Variants in GRIN2B observed in about 807,000 individuals in gnomAD.
GRIN2B encodes glutamate receptor ionotropic, NMDA 2B.
In GRIN2B, 5 loss-of-function variants were observed where a neutral mutation model predicts 114.5. The observed-to-expected ratio is 0.04, with a 90% CI of 0.02 to 0.09. The LOEUF (loss-of-function observed/expected upper bound fraction) is 0.09. GRIN2B is among the 10% of genes least tolerant of loss of function. The pLI, the probability that GRIN2B is intolerant of heterozygous loss-of-function variation, is 1.00. For missense variants in GRIN2B, 1,108 were observed against 1,943.5 expected, an observed-to-expected ratio of 0.57 and a Z score of 8.08; for synonymous variants, 787 against 745.1, an observed-to-expected ratio of 1.06 and a Z score of -0.92.
chr12:13,634,761 G>A (rs1389212203), intron 5 of GRIN2B, among the ~76,000 whole-genome samples: 3 of 152,208 alleles, frequency 2.0e-5, no homozygotes, highest in African/African-American at 7.2e-5. Flanking sequence ...TGAGGCTGGG[G>A]GACAGTTTTA....
intron 5 of GRIN2B, among the ~76,000 whole-genome samples, chr12:13,632,009 T>C (rs911556153): frequency 2.6e-5 from 4 of 152,120 alleles, no homozygotes; most frequent in Middle Eastern, 3.2e-3. Flanking sequence ...GACCACATGG[T>C]AGAATTAAAT....
chr12:13,894,300 T>C (rs888936952), intron 2 of GRIN2B, among the ~76,000 whole-genome samples: 1 of 152,142 alleles, frequency 6.6e-6, no homozygotes, highest in African/African-American at 2.4e-5. Flanking sequence ...TGCAACATCA[T>C]TTATAATAGT....
chr12:13,819,615 C>G (rs772914235), intron 3 of GRIN2B, among the ~76,000 whole-genome samples: 1 of 152,140 alleles, frequency 6.6e-6, no homozygotes, highest in Admixed American at 6.5e-5. Flanking sequence ...GGGCAAGATG[C>G]TATAATCAAA....
intron 4 of GRIN2B, among the ~76,000 whole-genome samples, chr12:13,677,282 T>C (rs1457763941): frequency 6.6e-6 from 1 of 152,178 alleles, no homozygotes; most frequent in African/African-American, 2.4e-5. Flanking sequence ...GAAGACTCTT[T>C]TTTTAACTCC....
chr12:13,616,147 C>A (rs3026178), intron 6 of GRIN2B, among the ~76,000 whole-genome samples: 1 of 152,092 alleles, frequency 6.6e-6, no homozygotes, highest in African/African-American at 2.4e-5. Context: ...CATGCTGGCC[C>A]AAGAAAACAT....
chr12:13,808,752 A>AAC, intron 3 of GRIN2B, among the ~76,000 whole-genome samples: 2 of 109,898 alleles, frequency 1.8e-5, no homozygotes, highest in Middle Eastern at 0.01. Context: ...ATAAAAAAAA[A>AAC]ATATATATAT....
At chr12:13,896,609 C>T (rs1290236567) in intron 2 of GRIN2B, among the ~76,000 whole-genome samples, 1 of 152,114 alleles carries the variant, frequency 6.6e-6, no homozygotes, top group African/African-American at 2.4e-5. Context: ...AACTCCATTC[C>T]ATTTTTTAAA....
At position 13,780,631 on chromosome 12, in the gene GRIN2B, C is replaced by T. The variant is rs762558066; in HGVS notation, c.412-26716G>A. The stretch of plus-strand genomic sequence containing the variant: ...GGGAATGTAAAGAATCCAGTCTTAT[C>T]AAGAGCCAAATTGTTAACAGAGAGC... On this transcript the variant is annotated intron_variant, in intron 3 of 13. Coordinates refer to ENST00000609686, the MANE Select transcript of GRIN2B (RefSeq NM_000834.5). 3.3e-4 allele frequency among the ~76,000 whole-genome samples: 50 copies of T among 152,094 alleles called. 1 individual carries two copies. The highest frequency in any genetic ancestry group is 4.6e-4 in the Admixed American group (7 of 15,266).
Position 13,563,695 on chromosome 12 carries a change from G to T in GRIN2B, c.3543C>A (p.His1181Gln), listed in dbSNP as rs866476716. 7 of 1,613,400 alleles carry T rather than the reference G, an allele frequency of 4.3e-6. No homozygotes were observed. The highest frequency in any genetic ancestry group is 2.7e-5 in the African/African-American group (2 of 74,922). The change falls in exon 14 of 14, where the codon CAC becomes CAA. Residue 1181 changes from histidine (H) to glutamine (Q), a missense_variant. Transcript: ENST00000609686. ...CCACGCCGTGTTTGTCGCCCGTCCCGTGCTTGATGTGAGACCTGTTGGTAC... is the reference window on the plus strand; with the variant it reads ...CCACGCCGTGTTTGTCGCCCGTCCCTTGCTTGATGTGAGACCTGTTGGTAC... ...GPCTNRSHIK[H>Q]GTGDKHGVVS...
chr12:13,973,436 ATC>A (rs1301666076), intron 2 of GRIN2B, among the ~76,000 whole-genome samples: 3 of 152,144 alleles, frequency 2.0e-5, no homozygotes, highest in Admixed American at 6.5e-5. Context: ...AATTGTCTTA[ATC>A]TAGGAAGCTC....
chr12:13,735,154 C>T (rs752789264), intron 4 of GRIN2B, among the ~76,000 whole-genome samples: 16 of 152,168 alleles, frequency 1.1e-4, no homozygotes, highest in Non-Finnish European at 1.5e-5. Context: ...CTCTAGATAT[C>T]CAATTCTTTA....
At chr12:13,955,542 G>C (rs1462751517) in intron 2 of GRIN2B, among the ~76,000 whole-genome samples, 1 of 152,126 alleles carries the variant, frequency 6.6e-6, no homozygotes, top group Non-Finnish European at 1.5e-5. Context: ...CAAGGAGCAA[G>C]AAACAGCTGA....
chr12:13,677,829 C>A (rs139732548), intron 4 of GRIN2B, among the ~76,000 whole-genome samples: 14 of 152,156 alleles, frequency 9.2e-5, no homozygotes, highest in Admixed American at 7.2e-4. Flanking sequence ...ATGAGAGTTT[C>A]TCAAGTATTT....
intron 3 of GRIN2B, among the ~76,000 whole-genome samples, chr12:13,830,997 G>T (rs1486169075): frequency 1.3e-5 from 2 of 152,172 alleles, no homozygotes; most frequent in Non-Finnish European, 2.9e-5. Flanking sequence ...TCTCATGAAT[G>T]GCTTGGTGCC....
rs538493405 is a variant in GRIN2B, at chr12:13,550,131, T to G, written c.*12652A>C. ...TGCTTTGACTTCTCATCTGTAAAAC[T>G]GAAAGATGATCTTATTTCCAAGTCA... On this transcript the variant is annotated 3_prime_UTR_variant, in exon 14 of 14. Transcript: ENST00000609686. 1 of 152,322 alleles carries G rather than the reference T, an allele frequency of 6.6e-6. No homozygotes were observed. Among genetic ancestry groups the G allele is most frequent in the South Asian group, 2.1e-4 (1 of 4,826 alleles). The allele number at this position is 152,322 out of a possible 1,614,324, so 9.4% of individuals were successfully genotyped here. A position where few individuals can be genotyped will look rare whatever the true frequency, so the allele number is the denominator to read the frequency against.
At chr12:13,645,421 C>T (rs1462849690) in intron 5 of GRIN2B, among the ~76,000 whole-genome samples, 1 of 151,982 alleles carries the variant, frequency 6.6e-6, no homozygotes, top group East Asian at 1.9e-4. Flanking sequence ...ATCACCATAA[C>T]AGATATAATA....
At chr12:13,618,205 A>T (rs1949469176) in intron 5 of GRIN2B, among the ~76,000 whole-genome samples, 1 of 152,144 alleles carries the variant, frequency 6.6e-6, no homozygotes, top group Non-Finnish European at 1.5e-5. Flanking sequence ...GCCAGTGGAG[A>T]TACTAATGTC....
At chr12:13,580,814 G>A (rs1591617915) in intron 10 of GRIN2B, among the ~76,000 whole-genome samples, 1 of 152,122 alleles carries the variant, frequency 6.6e-6, no homozygotes, top group East Asian at 1.9e-4. Context: ...AAAGCTCCCT[G>A]GTGCCACTCC....
chr12:13,758,771 T>C (rs899402819), intron 3 of GRIN2B, among the ~76,000 whole-genome samples: 14 of 152,216 alleles, frequency 9.2e-5, no homozygotes, highest in African/African-American at 3.4e-4. Flanking sequence ...TTTGCTTTTA[T>C]CACATCTTGT....
Sources: allele counts gnomAD v4.1 joint callset (sites outside exome capture counted in the v4.1 genomes callset), GRCh38; gene constraint gnomAD v4.1.1; transcripts MANE v1.5; gene names NCBI Gene and HGNC (gene_info 2026-07-23, HGNC 2026-07-21).